Variants in METTL21C observed in about 807,000 individuals in gnomAD.
The protein encoded by METTL21C is protein-lysine methyltransferase METTL21C.
Under a neutral mutation model 25.9 loss-of-function variants are expected in METTL21C, and 21 were observed. The observed-to-expected ratio is 0.81, with a 90% confidence interval of 0.58 to 1.17. The LOEUF is 1.17. METTL21C is among the 50% of genes most tolerant of loss of function. The pLI, the probability that METTL21C is intolerant of heterozygous loss-of-function variation, is 0.00. For synonymous variants in METTL21C, 125 were observed against 124.7 expected (o/e 1.00, Z -0.01); for missense variants, 312 against 315.1 (o/e 0.99, Z 0.07).
At chr13:102,692,201 C>T in intron 1 of METTL21C, among the ~76,000 whole-genome samples, 1 of 152,048 alleles carries the variant, frequency 6.6e-6, no homozygotes. Context: ...TCTGAAATAG[C>T]CTCTCAAGGT....
upstream of METTL21C, among the ~76,000 whole-genome samples, chr13:102,699,549 C>T (rs1886000102): frequency 6.6e-6 from 1 of 152,170 alleles, no homozygotes; most frequent in Admixed American, 6.5e-5. Flanking sequence ...AAGACATACC[C>T]ACCATGCCTA....
intron 1 of METTL21C, 151 bp downstream of exon 1, chr13:102,694,218 C>A: frequency 1.3e-6 from 1 of 776,302 alleles, no homozygotes; most frequent in Non-Finnish European, 2.0e-6. Context: ...TATGTTTATA[C>A]TTGCAAAACA....
upstream of METTL21C, among the ~76,000 whole-genome samples, chr13:102,696,646 G>C (rs1404453368): frequency 3.9e-5 from 6 of 152,086 alleles, no homozygotes; most frequent in Non-Finnish European, 1.5e-5. Context: ...TAGATCAAAG[G>C]CTCTTAAATG....
At chr13:102,693,545 G>T (rs1216519143) in intron 1 of METTL21C, among the ~76,000 whole-genome samples, 1 of 152,168 alleles carries the variant, frequency 6.6e-6, no homozygotes, top group Non-Finnish European at 1.5e-5. Flanking sequence ...GGCTGATTTT[G>T]AATGGCTCAT....
At chr13:102,702,610 G>A in the METTL21C span, among the ~76,000 whole-genome samples, 2 of 150,092 alleles carry the variant, frequency 1.3e-5, no homozygotes, top group South Asian at 2.1e-4. Context: ...TTTTTGAGAC[G>A]GAGTCTCGCT....
At chr13:102,703,021 CTG>C in the METTL21C span, among the ~76,000 whole-genome samples, 1 of 152,266 alleles carries the variant, frequency 6.6e-6, no homozygotes, top group East Asian at 1.9e-4. Flanking sequence ...TTACATGAAA[CTG>C]TCTTTTTCTC....
At position 102,688,107 on chromosome 13, in the gene METTL21C, T is replaced by G. The variant is rs533315289; in HGVS notation, c.283-1050A>C. ...TTAAAAAACAATGAACTCTATAATT[T>G]ACTTATACATTTAGGCCCTAGCTAA... On this transcript the variant is annotated intron_variant, in intron 2 of 3. Transcript: ENST00000267273. Among the ~76,000 whole-genome samples, 4 of 152,304 alleles carry G rather than the reference T, an allele frequency of 2.6e-5. No individual in the cohort carries two copies. The East Asian group carries it at 7.7e-4, about 29-fold the overall frequency.
chr13:102,691,348 C>CTT lies in METTL21C; in HGVS notation c.131-386_131-385dup, dbSNP rs11342787. On this transcript the variant is annotated intron_variant, in intron 1 of 3. Transcript: ENST00000267273. ...AGGAACTAGGTAAACACAAACCTGC[C>CTT]TTTTTTTTTTTTTCTTTTTGAGACA... is the stretch of plus-strand genomic sequence containing the variant. Among the ~76,000 whole-genome samples the CTT allele has an allele frequency of 2.0e-3, 290 of 145,016 alleles. 2 individuals are homozygous for CTT. The highest frequency in any genetic ancestry group is 7.0e-3 in the Middle Eastern group (2 of 284).
At chr13:102,698,707 G>A (rs967440007), upstream of METTL21C, among the ~76,000 whole-genome samples, 4 of 152,010 alleles carry the variant, frequency 2.6e-5, no homozygotes, top group Non-Finnish European at 5.9e-5. Flanking sequence ...GAACTCTCGG[G>A]GAGATGGATT....
upstream of METTL21C, among the ~76,000 whole-genome samples, chr13:102,695,144 C>T (rs1885926799): frequency 6.6e-6 from 1 of 152,068 alleles, no homozygotes; most frequent in African/African-American, 2.4e-5. Flanking sequence ...ACAGGGAGGA[C>T]ATGCCCACCC....
intron 1 of METTL21C, among the ~76,000 whole-genome samples, chr13:102,691,707 T>C (rs1267950166): frequency 6.6e-6 from 1 of 152,218 alleles, no homozygotes; most frequent in African/African-American, 2.4e-5. Context: ...GGCTGGAGCA[T>C]GTTCCTTCAA....
chr13:102,692,693 T>C (rs1478180934), intron 1 of METTL21C, among the ~76,000 whole-genome samples: 1 of 152,196 alleles, frequency 6.6e-6, no homozygotes, highest in Non-Finnish European at 1.5e-5. Flanking sequence ...TGAAGGAGAA[T>C]TCTCTGCCCT....
upstream of METTL21C, among the ~76,000 whole-genome samples, chr13:102,695,175 A>T (rs1011788086): frequency 6.6e-6 from 1 of 152,124 alleles, no homozygotes; most frequent in African/African-American, 2.4e-5. Context: ...TAGGACCCGT[A>T]TCCAGGCAGC....
the METTL21C span, among the ~76,000 whole-genome samples, chr13:102,703,601 C>T: frequency 3.9e-5 from 6 of 152,324 alleles, no homozygotes; most frequent in South Asian, 1.2e-3. Context: ...CAGCGACGCT[C>T]GTTACAGCAC....
At chr13:102,696,254 T>C, upstream of METTL21C, among the ~76,000 whole-genome samples, 1 of 151,996 alleles carries the variant, frequency 6.6e-6, no homozygotes, top group Non-Finnish European at 1.5e-5. Flanking sequence ...CTCAGCAAAC[T>C]AACACAGGAA....
chr13:102,690,078 T>C (rs963075309), intron 2 of METTL21C, among the ~76,000 whole-genome samples: 2 of 152,038 alleles, frequency 1.3e-5, no homozygotes, highest in African/African-American at 4.8e-5. Context: ...TGCCACAAAG[T>C]CATGCTTCCT....
At chr13:102,695,949 C>G (rs752025571), upstream of METTL21C, among the ~76,000 whole-genome samples, 2 of 152,074 alleles carry the variant, frequency 1.3e-5, no homozygotes, top group African/African-American at 2.4e-5. Context: ...TGTAGACACA[C>G]ACATAGACAA....
In METTL21C at chr13:102,694,388, G is replaced by A; in HGVS notation, c.111C>T (p.Ser37=). The stretch of plus-strand genomic sequence containing the variant: ...GGTTACCTTCTAGGACTCCCCCGGT[G>A]CTGTCTTTCTGCGGAGCCCCCTTCT... ...AEKKGAPQKD[S]TGGVLEESNK... Residue 37 remains serine (S), a synonymous_variant, in exon 1 of 4, where the codon AGC becomes AGT. Transcript: ENST00000267273. 4 of 1,552,490 alleles carry A rather than the reference G, an allele frequency of 2.6e-6. No individual in the cohort carries two copies. Among genetic ancestry groups the A allele is most frequent in the Middle Eastern group, 1.7e-4 (1 of 5,914 alleles).
At chr13:102,697,214 T>C (rs9585963), upstream of METTL21C, among the ~76,000 whole-genome samples, 3,608 of 152,216 alleles carry the variant, frequency 0.024, 107 homozygotes, top group African/African-American at 0.075. Context: ...CACTCGCCTC[T>C]CTCTGTCAGG....
Sources: gnomAD v4.1 joint callset for allele counts (sites outside exome capture counted in the v4.1 genomes callset) on GRCh38, gnomAD v4.1.1 for gene constraint, MANE v1.5 for transcripts, NCBI Gene and HGNC (gene_info 2026-07-23, HGNC 2026-07-21) for gene names.